The following MYOF variants were observed in gnomAD, a reference collection of about 807,000 sequenced individuals.
The protein encoded by MYOF is myoferlin.
MYOF carries 244 observed loss-of-function variants against 284.2 expected under a neutral mutation model. The observed-to-expected ratio is 0.86, with a 90% CI of 0.77 to 0.95. The LOEUF (loss-of-function observed/expected upper bound fraction) is 0.95. Among genes scored for constraint, MYOF ranks in the 40% least tolerant of loss-of-function variants. The pLI is 0.00. For synonymous variants in MYOF, 904 were observed against 919.7 expected (o/e 0.98, Z 0.31); for missense variants, 2,496 against 2,560.6 (o/e 0.97, Z 0.54).
intron 1 of MYOF, among the ~76,000 whole-genome samples, chr10:93,466,993 C>T (rs1213020339): frequency 6.7e-6 from 1 of 148,484 alleles, no homozygotes; most frequent in Non-Finnish European, 1.5e-5. Flanking sequence ...AACAAGCAAA[C>T]AAACAAACAA....
At chr10:93,407,769 T>G (rs1774719) in intron 7 of MYOF, among the ~76,000 whole-genome samples, 2 of 148,746 alleles carry the variant, frequency 1.3e-5, no homozygotes, top group Admixed American at 6.8e-5. Flanking sequence ...TTTATCAGTA[T>G]GGGGGGCAAA....
At chr10:93,397,953 T>C (rs788354) in intron 13 of MYOF, among the ~76,000 whole-genome samples, 139,946 of 152,148 alleles carry the variant, frequency 0.92, 65,463 homozygotes, top group East Asian at 1. Context: ...GTCTTCAAGC[T>C]GATCCTGAAA....
Position 93,452,053 on chromosome 10 carries a change from T to C in MYOF, c.233A>G (p.Asn78Ser). 2 of 1,606,920 alleles carry C rather than the reference T, an allele frequency of 1.2e-6. No individual in the cohort carries two copies. Among genetic ancestry groups the C allele is most frequent in the Non-Finnish European group, 1.7e-6 (2 of 1,175,592 alleles). ...AAAACAGGTGAAAACAACTTACTTA[T>C]TTTGTCCAATTGTCTCAAAATCTTT... ...IVKDFETIGQ[N>S]KLIGTATVAL... The change falls in exon 3 of 54, where the codon AAT becomes AGT. Residue 78 changes from asparagine (N) to serine (S), a missense_variant. Coordinates refer to ENST00000359263, the MANE Select transcript of MYOF (RefSeq NM_013451.4).
In MYOF at chr10:93,456,015, A is replaced by G. The variant is rs376244605; in HGVS notation, c.144+867T>C. Among the ~76,000 whole-genome samples, 5 of 152,240 alleles carry G rather than the reference A, an allele frequency of 3.3e-5. No homozygotes were observed. In the East Asian group the frequency reaches 9.6e-4, roughly 29 times the overall value. On this transcript the variant is annotated intron_variant, in intron 2 of 53. Transcript: ENST00000359263. ...ACACTGAACCACTTCTAAAATAGAT[A>G]TAAGGTCGACAGTGGGGGGAGGTAA...
At chr10:93,432,815 C>G (rs533086819) in intron 3 of MYOF, among the ~76,000 whole-genome samples, 1 of 152,326 alleles carries the variant, frequency 6.6e-6, no homozygotes, top group East Asian at 1.9e-4. Context: ...GTTTTACTCA[C>G]TACTCTAACA....
intron 3 of MYOF, among the ~76,000 whole-genome samples, chr10:93,442,809 A>T (rs905712460): frequency 6.6e-6 from 1 of 152,206 alleles, no homozygotes; most frequent in Non-Finnish European, 1.5e-5. Flanking sequence ...ATTATCTTCC[A>T]TGTCCCTACT....
intron 5 of MYOF, among the ~76,000 whole-genome samples, chr10:93,411,824 C>A (rs1347997235): frequency 6.6e-6 from 1 of 152,236 alleles, no homozygotes; most frequent in Non-Finnish European, 1.5e-5. Context: ...TTTTCTGTAT[C>A]TCCATATTGG....
intron 1 of MYOF, among the ~76,000 whole-genome samples, chr10:93,460,981 G>A (rs1977836): frequency 2.0e-5 from 3 of 151,752 alleles, no homozygotes; most frequent in East Asian, 1.9e-4. Flanking sequence ...TGTAATCCCC[G>A]ATACTCGGGT....
chr10:93,438,496 C>T (rs1299660523), intron 3 of MYOF, among the ~76,000 whole-genome samples: 9 of 152,182 alleles, frequency 5.9e-5, no homozygotes, highest in Non-Finnish European at 1.3e-4. Context: ...GCCTCCGCAT[C>T]GTCTCCCAAA....
At chr10:93,404,785 C>T (rs185405986) in intron 7 of MYOF, among the ~76,000 whole-genome samples, 229 of 152,188 alleles carry the variant, frequency 1.5e-3, no homozygotes, top group Non-Finnish European at 2.9e-3. Context: ...TGTCTAGTGA[C>T]TCTAATTTTA....
intron 4 of MYOF, among the ~76,000 whole-genome samples, chr10:93,427,212 C>CAAAAAA (rs369906090): frequency 1.4e-5 from 2 of 138,336 alleles, no homozygotes; most frequent in African/African-American, 5.6e-5. Context: ...CAAAACAAAA[C>CAAAAAA]AAAACAAAAA....
chr10:93,414,468 G>A (rs763931537), intron 5 of MYOF, among the ~76,000 whole-genome samples: 9 of 152,134 alleles, frequency 5.9e-5, no homozygotes, highest in Non-Finnish European at 1.2e-4. Context: ...GAACCTGGAA[G>A]GCAGAGGTTG....
intron 42 of MYOF, among the ~76,000 whole-genome samples, chr10:93,333,519 C>T (rs953213644): frequency 3.4e-5 from 5 of 146,242 alleles, no homozygotes; most frequent in African/African-American, 7.5e-5. Context: ...TGGCAGGGGG[C>T]GGGGGGGAGT....
chr10:93,326,181 A>G (rs1349615199), intron 45 of MYOF, among the ~76,000 whole-genome samples: 1 of 152,170 alleles, frequency 6.6e-6, no homozygotes, highest in Non-Finnish European at 1.5e-5. Flanking sequence ...GTGGACTGCC[A>G]ATAGTAAAGG....
intron 3 of MYOF, among the ~76,000 whole-genome samples, chr10:93,448,212 AC>A (rs2056490057): frequency 7.0e-6 from 1 of 142,758 alleles, no homozygotes; most frequent in African/African-American, 2.6e-5. Flanking sequence ...CTACTCCCTA[AC>A]CCCCCAATGA....
chr10:93,411,091 C>T (rs577820965), intron 5 of MYOF, among the ~76,000 whole-genome samples: 5 of 152,266 alleles, frequency 3.3e-5, no homozygotes, highest in Non-Finnish European at 7.3e-5. Flanking sequence ...GCCTTTAGCA[C>T]AGTATCTGGC....
chr10:93,402,234 G>A lies in MYOF; in HGVS notation c.988C>T (p.Pro330Ser), dbSNP rs77686899. Residue 330 changes from proline (P) to serine (S), a missense_variant and splice_region_variant, in exon 11 of 54, where the codon CCT becomes TCT. Physicochemically the swap from Pro to Ser is moderately conservative, Grantham distance 74 (BLOSUM62 -1). Around this residue, in one of 3 missense-constraint regions of MYOF, gnomAD observed 2,436 missense variants for 2,480.7 expected, o/e 0.98. Transcript: ENST00000359263. ...AAGTAGAGAATGTAGGGACTCACAG[G>A]AGGCTCATCTCCGGTTCCCAGGACA... ...MFVLGTGDEP[P>S]PERRDRDNDS... 6 of 1,613,144 alleles carry A rather than the reference G, an allele frequency of 3.7e-6. No homozygotes were observed. In the East Asian group the frequency reaches 1.3e-4, roughly 36 times the overall value.
At chr10:93,432,391 A>C (rs1848917816) in intron 3 of MYOF, among the ~76,000 whole-genome samples, 1 of 152,100 alleles carries the variant, frequency 6.6e-6, no homozygotes, top group Non-Finnish European at 1.5e-5. Flanking sequence ...TGTCTCAAAA[A>C]AAAAGAAAAA....
intron 3 of MYOF, among the ~76,000 whole-genome samples, chr10:93,439,630 A>G (rs1396170714): frequency 3.3e-5 from 5 of 152,226 alleles, no homozygotes; most frequent in Non-Finnish European, 7.3e-5. Flanking sequence ...TCCGAGCTTC[A>G]GTTTCCTCAT....
Sources: allele counts gnomAD v4.1 joint callset (sites outside exome capture counted in the v4.1 genomes callset), GRCh38; gene constraint gnomAD v4.1.1; regional missense constraint gnomAD v4.1.1; transcripts MANE v1.5; gene names NCBI Gene and HGNC (gene_info 2026-07-23, HGNC 2026-07-21).